The following SPSB2 variants were observed in gnomAD, a reference collection of about 807,000 sequenced individuals.
The protein encoded by SPSB2 is SPRY domain-containing SOCS box protein 2.
Under a neutral mutation model 19.2 loss-of-function variants are expected in SPSB2, and 25 were observed. The ratio of observed to expected loss-of-function variants is 1.30; its 90% CI spans 0.95 to 1.82. The LOEUF (loss-of-function observed/expected upper bound fraction) is 1.82, where lower values mean the gene tolerates loss of function less well. Ranked by LOEUF, SPSB2 falls within the 40% of genes most tolerant of loss-of-function variation. The pLI is 0.00. For missense variants in SPSB2, 413 were observed against 344.9 expected (o/e 1.20, Z -1.56); for synonymous variants, 153 against 154.9 (o/e 0.99, Z 0.09).
rs1555133588 is a variant in SPSB2, at chr12:6,871,997, T to G, written c.664+241A>C. 11 of 1,456,840 alleles carry G rather than the reference T, an allele frequency of 7.6e-6. No individual in the cohort carries two copies. In the East Asian group the frequency reaches 2.7e-4, roughly 36 times the overall value. 90.2% of individuals were successfully genotyped at this position (1,456,840 alleles called of 1,614,324 possible). ...GCAGTTCCTCCCTCCATTCTGAAGG[T>G]TCACCATTTACTGGCCAAGAGAACT... On this transcript the variant is annotated intron_variant, in intron 2 of 2. Transcript: ENST00000524270.
chr12:6,872,129 G>C (rs1944606988), intron 2 of SPSB2, 109 bp downstream of exon 2: 1 of 1,612,928 alleles, frequency 6.2e-7, no homozygotes. Flanking sequence ...CAGAGGTTGA[G>C]GCAGGCTGGA....
rs369645281 is a variant in SPSB2, at chr12:6,872,580, C to T, written c.322G>A (p.Val108Met). ...EQRGTHAVVG[V>M]ATALAPLQTD... ...TGCAGCGGGGCGAGGGCCGTGGCCA[C>T]GCCCACCACGGCATGCGTGCCCCTC... Residue 108 changes from valine (V) to methionine (M), a missense_variant, in exon 2 of 3, where the codon GTG becomes ATG. Val to Met is a conservative substitution (Grantham distance 21). Transcript: ENST00000524270. 5 of 1,607,844 alleles carry T rather than the reference C, an allele frequency of 3.1e-6. No individual in the cohort carries two copies. Among genetic ancestry groups the T allele is most frequent in the Non-Finnish European group, 4.2e-6 (5 of 1,178,758 alleles).
Position 6,872,574 on chromosome 12 carries a change from T to C in SPSB2, c.328A>G (p.Thr110Ala). The C allele has an allele frequency of 6.2e-7, 1 of 1,608,458 alleles. No homozygotes were observed. Among genetic ancestry groups the C allele is most frequent in the South Asian group, 1.1e-5 (1 of 90,994 alleles). The change falls in exon 2 of 3, where the codon ACG becomes GCG. Residue 110 changes from threonine to alanine, a missense_variant. Thr to Ala is a moderately conservative substitution (Grantham distance 58). Coordinates refer to ENST00000524270, the MANE Select transcript of SPSB2 (RefSeq NM_032641.4). ...RGTHAVVGVA[T>A]ALAPLQTDHY... ...TCAGTCTGCAGCGGGGCGAGGGCCG[T>C]GGCCACGCCCACCACGGCATGCGTG...
Position 6,871,102 on chromosome 12 carries a change from A to T in SPSB2, c.*90T>A. ...TAGGGGCTCAGCCTCACCAGCTTTCAGCAGCTGGTCTAGGCCAGCAGTGCC... is the reference window on the plus strand; with the variant it reads ...TAGGGGCTCAGCCTCACCAGCTTTCTGCAGCTGGTCTAGGCCAGCAGTGCC... On this transcript the variant is annotated 3_prime_UTR_variant, in exon 3 of 3. Coordinates refer to ENST00000524270, the MANE Select transcript of SPSB2 (RefSeq NM_032641.4). 6.8e-7 allele frequency: 1 copy of T among 1,479,566 alleles called. No individual in the cohort carries two copies. Among genetic ancestry groups the T allele is most frequent in the Non-Finnish European group, 9.2e-7 (1 of 1,087,142 alleles). 91.7% of individuals were successfully genotyped at this position (1,479,566 alleles called of 1,614,324 possible).
chr12:6,872,833 G>C lies in SPSB2; in HGVS notation c.69C>G (p.Leu23=). The change falls in exon 2 of 3, where the codon CTC becomes CTG. Residue 23 remains leucine, a synonymous_variant. Transcript: ENST00000524270. ...GCTCTTCCAAGCCCTCGGGACAGGA[G>C]AGGTCAGGGTACAGGGCCTGTGGCG... ...TPTPQALYPD[L]SCPEGLEELL... is the part of the protein sequence containing the mutation. The C allele has an allele frequency of 1.9e-6, 3 of 1,611,588 alleles. No individual in the cohort carries two copies. In the South Asian group the frequency reaches 3.3e-5, roughly 18 times the overall value.
chr12:6,873,053 AC>A, intron 1 of SPSB2, 56 bp from the exon 2 acceptor site: 1 of 587,310 alleles, frequency 1.7e-6, no homozygotes, highest in South Asian at 2.4e-5. Context: ...TCACCCAGGT[AC>A]CCCATCCTTT....
chr12:6,871,929 C>A (rs1380618428), intron 2 of SPSB2: 7 of 1,357,200 alleles, frequency 5.2e-6, no homozygotes, highest in Non-Finnish European at 6.8e-6. Flanking sequence ...ACGCTTTGCA[C>A]CTCTTGCTCA....
rs1555134123 is a variant in SPSB2, at chr12:6,872,782, C to G, written c.120G>C (p.Leu40=). ...EELLSAPPPD[L]GAQRRHGWNP... The stretch of plus-strand genomic sequence containing the variant: ...TCCAACCGTGGCGCCGCTGGGCCCC[C>G]AGGTCAGGAGGGGGTGCAGACAGCA... The change falls in exon 2 of 3, where the codon CTG becomes CTC. Residue 40 remains leucine, a synonymous_variant. Coordinates refer to ENST00000524270, the MANE Select transcript of SPSB2 (RefSeq NM_032641.4). The G allele has an allele frequency of 6.2e-7, 1 of 1,612,422 alleles. No homozygotes were observed. The highest frequency in any genetic ancestry group is 1.7e-5 in the Admixed American group (1 of 60,026).
At chr12:6,871,970 C>T (rs1944604230) in intron 2 of SPSB2, 1 of 1,445,962 alleles carries the variant, frequency 6.9e-7, no homozygotes. Flanking sequence ...TCTCTCATCC[C>T]TGCAGTTCCT....
Position 6,872,752 on chromosome 12 carries a change from G to A in SPSB2, c.150C>T (p.Pro50=), listed in dbSNP as rs782192458. 6.2e-7 allele frequency: 1 copy of A among 1,612,680 alleles called. No homozygotes were observed. The highest frequency in any genetic ancestry group is 8.5e-7 in the Non-Finnish European group (1 of 1,180,042). The change falls in exon 2 of 3, where the codon CCC becomes CCT. Residue 50 remains proline (P), a synonymous_variant. Coordinates refer to ENST00000524270, the MANE Select transcript of SPSB2 (RefSeq NM_032641.4). ...CCTCGATGTTCTCTGAACAGTCTTTGGGGTTCCAACCGTGGCGCCGCTGGG... is the reference window on the plus strand; with the variant it reads ...CCTCGATGTTCTCTGAACAGTCTTTAGGGTTCCAACCGTGGCGCCGCTGGG... ...LGAQRRHGWN[P]KDCSENIEVK...
intron 2 of SPSB2, chr12:6,872,034 C>T (rs1944605621): frequency 6.7e-7 from 1 of 1,483,064 alleles, no homozygotes; most frequent in African/African-American, 1.4e-5. Flanking sequence ...GAGAAAGTTG[C>T]TTTCTCAAGC....
At position 6,872,461 on chromosome 12, in the gene SPSB2, G is replaced by A; in HGVS notation, c.441C>T (p.Pro147=). 6.2e-7 allele frequency: 1 copy of A among 1,614,036 alleles called. No homozygotes were observed. The highest frequency in any genetic ancestry group is 8.5e-7 in the Non-Finnish European group (1 of 1,180,028). Residue 147 remains proline, a synonymous_variant, in exon 2 of 3, where the codon CCC becomes CCT. Coordinates refer to ENST00000524270, the MANE Select transcript of SPSB2 (RefSeq NM_032641.4). The part of the protein sequence containing the change: ...RGKLYHQSKG[P]GAPQYPAGTQ... ...TTCCCGCTGGATACTGGGGGGCTCCGGGCCCCTTGCTCTGATGGTACAGCT... is the reference window on the plus strand; with the variant it reads ...TTCCCGCTGGATACTGGGGGGCTCCAGGCCCCTTGCTCTGATGGTACAGCT...
In SPSB2 at chr12:6,872,785, G is replaced by C. The variant is rs781786881; in HGVS notation, c.117C>G (p.Asp39Glu). Residue 39 changes from aspartate to glutamate, a missense_variant, in exon 2 of 3, where the codon GAC (aspartate) becomes GAG (glutamate). Physicochemically the swap from Asp to Glu is conservative, Grantham distance 45. Transcript: ENST00000524270. ...AACCGTGGCGCCGCTGGGCCCCCAG[G>C]TCAGGAGGGGGTGCAGACAGCAGCT... ...LEELLSAPPP[D>E]LGAQRRHGWN... The C allele has an allele frequency of 1.2e-6, 2 of 1,612,286 alleles. No homozygotes were observed. Among genetic ancestry groups the C allele is most frequent in the African/African-American group, 1.3e-5 (1 of 75,050 alleles).
Position 6,871,336 on chromosome 12 carries a change from G to A in SPSB2, c.665-17C>T, listed in dbSNP as rs782347100. On this transcript the variant is annotated splice_polypyrimidine_tract_variant and intron_variant, in intron 2 of 2. Coordinates refer to ENST00000524270, the MANE Select transcript of SPSB2 (RefSeq NM_032641.4). ...GTGGCTCCGCTGGGAGAGAGAAGGA[G>A]GGGAATGTAAGTATGGGTGCAGCCA... is the stretch of plus-strand genomic sequence containing the variant. 1 of 1,608,972 alleles carries A rather than the reference G, an allele frequency of 6.2e-7. No individual in the cohort carries two copies. Among genetic ancestry groups the A allele is most frequent in the Non-Finnish European group, 8.5e-7 (1 of 1,177,466 alleles).
In SPSB2 at chr12:6,872,115, TGAA is replaced by T. The variant is rs199841217; in HGVS notation, c.664+120_664+122del. 5.0e-6 allele frequency: 8 copies of T among 1,612,076 alleles called. No homozygotes were observed. The East Asian group carries it at 1.8e-4, about 36-fold the overall frequency. ...GAAGACCCCTAGCCTTTCCCAGCAC[TGAA>T]CAGAGGTTGAGGCAGGCTGGATGAA... On this transcript the variant is annotated intron_variant, in intron 2 of 2. Coordinates refer to ENST00000524270, the MANE Select transcript of SPSB2 (RefSeq NM_032641.4).
intron 2 of SPSB2, 185 bp downstream of exon 2, chr12:6,872,053 C>T: frequency 2.0e-6 from 3 of 1,532,766 alleles, no homozygotes; most frequent in African/African-American, 1.4e-5. Context: ...GCCTGTTTCA[C>T]CTCTATTGCT....
In SPSB2 at chr12:6,871,085, C is replaced by A; in HGVS notation, c.*107G>T. The A allele has an allele frequency of 7.0e-7, 1 of 1,429,086 alleles. No individual in the cohort carries two copies. The highest frequency in any genetic ancestry group is 9.5e-7 in the Non-Finnish European group (1 of 1,047,658). 88.5% of individuals were successfully genotyped at this position (1,429,086 alleles called of 1,614,324 possible). A position where few individuals can be genotyped will look rare whatever the true frequency, so the allele number is the denominator to read the frequency against. The stretch of plus-strand genomic sequence containing the variant: ...CAGAGCTTGGGTTGGGGTAGGGGCT[C>A]AGCCTCACCAGCTTTCAGCAGCTGG... On this transcript the variant is annotated 3_prime_UTR_variant, in exon 3 of 3. Coordinates refer to ENST00000524270, the MANE Select transcript of SPSB2 (RefSeq NM_032641.4).
In SPSB2 at chr12:6,871,329, A is replaced by T; in HGVS notation, c.665-10T>A. ...AGGGAGTGTGGCTCCGCTGGGAGAGAGAAGGAGGGGAATGTAAGTATGGGT... is the reference window on the plus strand; with the variant it reads ...AGGGAGTGTGGCTCCGCTGGGAGAGTGAAGGAGGGGAATGTAAGTATGGGT... On this transcript the variant is annotated splice_polypyrimidine_tract_variant and intron_variant, in intron 2 of 2. Coordinates refer to ENST00000524270, the MANE Select transcript of SPSB2 (RefSeq NM_032641.4). 6.3e-7 allele frequency: 1 copy of T among 1,595,936 alleles called. No homozygotes were observed. Among genetic ancestry groups the T allele is most frequent in the East Asian group, 2.2e-5 (1 of 44,858 alleles).
intron 2 of SPSB2, chr12:6,871,580 C>G: frequency 1.9e-6 from 1 of 536,720 alleles, no homozygotes. Flanking sequence ...GGAGCTGGCC[C>G]AGGCTTTGAC....
Sources: allele counts gnomAD v4.1 joint callset, GRCh38; gene constraint gnomAD v4.1.1; transcripts MANE v1.5; gene names NCBI Gene and HGNC (gene_info 2026-07-23, HGNC 2026-07-21).